NBEA: variants seen among roughly 807,000 people sequenced by gnomAD.
NBEA encodes the protein neurobeachin.
NBEA carries 44 observed loss-of-function variants against 343.4 expected under a neutral mutation model. The ratio of observed to expected loss-of-function variants is 0.13; its 90% confidence interval spans 0.10 to 0.16. The LOEUF (loss-of-function observed/expected upper bound fraction) is 0.16. Among genes scored for constraint, NBEA ranks in the 10% least tolerant of loss-of-function variants. The probability of loss-of-function intolerance (pLI) is 1.00; values close to 1 mark genes in which losing one functional copy is unlikely to be tolerated. For missense variants in NBEA, 2,555 were observed against 3,631.3 expected (o/e 0.70, Z 7.62); for synonymous variants, 1,175 against 1,238.7 (o/e 0.95, Z 1.08).
intron 41 of NBEA, among the ~76,000 whole-genome samples, chr13:35,520,241 GA>G (rs1330490746): frequency 1.3e-5 from 2 of 152,200 alleles, no homozygotes; most frequent in Non-Finnish European, 2.9e-5. Context: ...TGCTCTATAA[GA>G]TCAACTGTTG....
intron 1 of NBEA, among the ~76,000 whole-genome samples, chr13:34,982,000 TTATTAA>T (rs926724881): frequency 2.2e-4 from 34 of 152,064 alleles, no homozygotes; most frequent in Middle Eastern, 3.4e-3. Flanking sequence ...TTTATCAACA[TTATTAA>T]TATTATTAAT....
intron 38 of NBEA, among the ~76,000 whole-genome samples, chr13:35,408,661 GAAAC>G (rs937443816): frequency 1.6e-4 from 13 of 80,610 alleles, no homozygotes; most frequent in East Asian, 8.0e-4. Flanking sequence ...TTACAAGCAA[GAAAC>G]AAACAACCCA....
chr13:35,038,185 C>T (rs1215554117), intron 1 of NBEA, among the ~76,000 whole-genome samples: 5 of 152,116 alleles, frequency 3.3e-5, no homozygotes, highest in Admixed American at 1.3e-4. Flanking sequence ...AGAGTACCAC[C>T]GACATTCCCT....
intron 38 of NBEA, among the ~76,000 whole-genome samples, chr13:35,370,545 T>A (rs1405236696): frequency 1.3e-5 from 2 of 152,110 alleles, no homozygotes; most frequent in Non-Finnish European, 2.9e-5. Context: ...AGGTTGTTAT[T>A]GATACATGAG....
intron 34 of NBEA, among the ~76,000 whole-genome samples, chr13:35,248,502 C>T (rs1272116521): frequency 6.6e-6 from 1 of 152,164 alleles, no homozygotes; most frequent in Non-Finnish European, 1.5e-5. Context: ...AAAACTTCTA[C>T]TTACATAGCT....
chr13:35,576,701 A>G (rs1230655333), intron 45 of NBEA, among the ~76,000 whole-genome samples: 1 of 152,190 alleles, frequency 6.6e-6, no homozygotes, highest in Non-Finnish European at 1.5e-5. Context: ...AAAATAAATT[A>G]TACAAAGTAG....
chr13:35,489,274 T>C (rs2076416964), intron 41 of NBEA, among the ~76,000 whole-genome samples: 1 of 151,888 alleles, frequency 6.6e-6, no homozygotes, highest in African/African-American at 2.4e-5. Flanking sequence ...CTGTTTCATC[T>C]GGTGGCTTAT....
chr13:35,392,784 C>T (rs920046693), intron 38 of NBEA, among the ~76,000 whole-genome samples: 1 of 152,048 alleles, frequency 6.6e-6, no homozygotes, highest in African/African-American at 2.4e-5. Context: ...ATAAATGGGA[C>T]TTTTTTTGCC....
intron 10 of NBEA, among the ~76,000 whole-genome samples, chr13:35,072,454 A>G (rs920426691): frequency 1.6e-4 from 24 of 151,910 alleles, no homozygotes; most frequent in Admixed American, 1.4e-3. Context: ...CAGCATACCT[A>G]TTTTCATTTT....
intron 34 of NBEA, among the ~76,000 whole-genome samples, chr13:35,240,982 C>T (rs867184199): frequency 3.3e-5 from 5 of 151,510 alleles, no homozygotes; most frequent in East Asian, 3.9e-4. Flanking sequence ...TCTTGAATGA[C>T]GTTAAAGACC....
At chr13:35,377,958 C>A (rs896682348) in intron 38 of NBEA, among the ~76,000 whole-genome samples, 1 of 152,092 alleles carries the variant, frequency 6.6e-6, no homozygotes, top group Non-Finnish European at 1.5e-5. Context: ...TTTATGAGCT[C>A]TTCAGTAATT....
chr13:35,254,460 GGTGT>G (rs1296594989), intron 34 of NBEA, among the ~76,000 whole-genome samples: 1 of 151,382 alleles, frequency 6.6e-6, no homozygotes. Flanking sequence ...TGGGACAACA[GGTGT>G]GCACCACCAC....
At chr13:35,026,949 T>A (rs1434876657) in intron 1 of NBEA, among the ~76,000 whole-genome samples, 1 of 152,118 alleles carries the variant, frequency 6.6e-6, no homozygotes, top group Non-Finnish European at 1.5e-5. Context: ...CTCTTTTCTG[T>A]CTTTATTATG....
chr13:35,377,706 T>C (rs1050923731), intron 38 of NBEA, among the ~76,000 whole-genome samples: 2 of 152,188 alleles, frequency 1.3e-5, no homozygotes, highest in African/African-American at 4.8e-5. Context: ...CCCACTGTTT[T>C]ACCATACCTT....
At chr13:35,403,688 G>A (rs1454122625) in intron 38 of NBEA, among the ~76,000 whole-genome samples, 1 of 151,958 alleles carries the variant, frequency 6.6e-6, no homozygotes, top group Non-Finnish European at 1.5e-5. Context: ...TCAGGACATA[G>A]GCATGGGCAA....
intron 36 of NBEA, among the ~76,000 whole-genome samples, chr13:35,313,996 G>A (rs2037542987): frequency 1.3e-5 from 2 of 152,238 alleles, no homozygotes; most frequent in Middle Eastern, 3.4e-3. Flanking sequence ...ACGCAATATG[G>A]TGGGAGGGAA....
intron 38 of NBEA, among the ~76,000 whole-genome samples, chr13:35,366,493 A>G (rs962660410): frequency 6.6e-6 from 1 of 151,356 alleles, no homozygotes; most frequent in Non-Finnish European, 1.5e-5. Flanking sequence ...TGGTATACCT[A>G]TGATTATAAA....
chr13:35,534,620 A>G (rs1373013864), intron 41 of NBEA, among the ~76,000 whole-genome samples: 1 of 152,202 alleles, frequency 6.6e-6, no homozygotes, highest in African/African-American at 2.4e-5. Context: ...CTTGGAGTGG[A>G]AACACCTGAG....
chr13:35,460,145 A>G (rs2046821594), intron 40 of NBEA, among the ~76,000 whole-genome samples: 1 of 152,182 alleles, frequency 6.6e-6, no homozygotes, highest in South Asian at 2.1e-4. Flanking sequence ...AACATTCTGG[A>G]TTCTCTAAAA....
Sources: gnomAD v4.1 joint callset for allele counts (sites outside exome capture counted in the v4.1 genomes callset) on GRCh38, gnomAD v4.1.1 for gene constraint, MANE v1.5 for transcripts, NCBI Gene and HGNC (gene_info 2026-07-23, HGNC 2026-07-21) for gene names.